Variants in AMPH observed in about 807,000 individuals in gnomAD.
AMPH encodes amphiphysin (Stiff-Mann syndrome with breast cancer 128kD autoantigen).
Under a neutral mutation model 99.1 loss-of-function variants are expected in AMPH, and 49 were observed. The observed-to-expected ratio is 0.49, with a 90% CI of 0.39 to 0.63. The LOEUF is 0.63. AMPH is among the 20% of genes least tolerant of loss of function. AMPH has a pLI of 0.00. For missense variants in AMPH, 759 were observed against 863.4 expected (o/e 0.88, Z 1.52); for synonymous variants, 314 against 317.3 (o/e 0.99, Z 0.11).
intron 1 of AMPH, among the ~76,000 whole-genome samples, chr7:38,563,158 A>AATGG (rs1791616105): frequency 1.3e-5 from 2 of 152,140 alleles, no homozygotes; most frequent in Admixed American, 1.3e-4. Flanking sequence ...TGAATGAATG[A>AATGG]ATGAATGAGT....
intron 17 of AMPH, among the ~76,000 whole-genome samples, chr7:38,398,188 A>T (rs576478921): frequency 1.3e-5 from 2 of 150,618 alleles, no homozygotes; most frequent in Admixed American, 6.6e-5. Context: ...TACTCAAAAA[A>T]AAAAAAACAA....
intron 11 of AMPH, among the ~76,000 whole-genome samples, chr7:38,437,093 AG>A (rs1426492919): frequency 6.6e-6 from 1 of 152,216 alleles, no homozygotes; most frequent in Non-Finnish European, 1.5e-5. Context: ...AATAAGACAC[AG>A]GACGAAAGTC....
chr7:38,390,968 AGAGAGAGAGAG>A (rs1784471799), intron 19 of AMPH, among the ~76,000 whole-genome samples: 1 of 5,322 alleles, frequency 1.9e-4, no homozygotes, highest in Admixed American at 2.6e-3. Flanking sequence ...AGACAGAGAG[AGAGAGAGAGAG>A]AGAGAGAGAG....
In AMPH at chr7:38,442,368, C is replaced by T. The variant is rs536204844; in HGVS notation, c.1018-5980G>A. Among the ~76,000 whole-genome samples, 30 of 152,252 alleles carry T rather than the reference C, an allele frequency of 2.0e-4. No individual in the cohort carries two copies. In the South Asian group the frequency reaches 6.2e-3, roughly 32 times the overall value. ...AGTGAGATACAGCCTTCCTCCTCTC[C>T]CTGGTAGTCTATCCTTTGTTTTAAG... On this transcript the variant is annotated intron_variant, in intron 11 of 20. Coordinates refer to ENST00000356264, the MANE Select transcript of AMPH (RefSeq NM_001635.4).
At chr7:38,577,318 TG>T (rs1725583472) in intron 1 of AMPH, among the ~76,000 whole-genome samples, 4 of 152,316 alleles carry the variant, frequency 2.6e-5, no homozygotes, top group African/African-American at 9.6e-5. Context: ...ATCCCTAGGC[TG>T]TAGTTCCAGC....
At chr7:38,589,250 A>C (rs576864122) in intron 1 of AMPH, among the ~76,000 whole-genome samples, 29 of 152,258 alleles carry the variant, frequency 1.9e-4, no homozygotes, top group Non-Finnish European at 8.8e-5. Flanking sequence ...CTTTTCTAGA[A>C]TAAATGAATA....
At chr7:38,598,902 C>A (rs1257451809) in intron 1 of AMPH, among the ~76,000 whole-genome samples, 1 of 152,050 alleles carries the variant, frequency 6.6e-6, no homozygotes, top group East Asian at 1.9e-4. Context: ...TAAGTAGACA[C>A]TCATTTTCTT....
At chr7:38,487,277 A>G (rs904900927) in intron 5 of AMPH, among the ~76,000 whole-genome samples, 1 of 152,158 alleles carries the variant, frequency 6.6e-6, no homozygotes, top group African/African-American at 2.4e-5. Context: ...AAACTATACT[A>G]CAAGGCTACT....
chr7:38,619,865 ACT>A (rs1298207955), intron 1 of AMPH, among the ~76,000 whole-genome samples: 2 of 152,118 alleles, frequency 1.3e-5, no homozygotes, highest in African/African-American at 4.8e-5. Context: ...TTTCCTAGAG[ACT>A]CTCAGAGAAA....
chr7:38,631,240 C>G (rs1346889433), intron 1 of AMPH, 43 bp downstream of exon 1: 5 of 1,496,956 alleles, frequency 3.3e-6, no homozygotes, highest in Non-Finnish European at 4.4e-6. Context: ...GCCAAGCCCC[C>G]GCCTGGCGTC....
chr7:38,513,460 A>G (rs1041843645), intron 2 of AMPH, among the ~76,000 whole-genome samples: 2 of 152,218 alleles, frequency 1.3e-5, no homozygotes, highest in African/African-American at 2.4e-5. Context: ...AAGAATACCA[A>G]TTGGGTTGAG....
At chr7:38,412,882 G>T (rs987608963) in intron 17 of AMPH, among the ~76,000 whole-genome samples, 4 of 152,164 alleles carry the variant, frequency 2.6e-5, no homozygotes, top group African/African-American at 7.2e-5. Context: ...TGGAAAAGGG[G>T]AAGTCTTCTT....
chr7:38,542,919 C>T (rs1284933396), intron 1 of AMPH, among the ~76,000 whole-genome samples: 1 of 151,952 alleles, frequency 6.6e-6, no homozygotes, highest in Non-Finnish European at 1.5e-5. Context: ...TATGGTGAAA[C>T]CCTGTCTCTA....
At chr7:38,412,705 G>C (rs1242243494) in intron 17 of AMPH, among the ~76,000 whole-genome samples, 1 of 152,190 alleles carries the variant, frequency 6.6e-6, no homozygotes, top group East Asian at 1.9e-4. Context: ...ACTTGTATCA[G>C]ATTTGGATGT....
chr7:38,475,188 A>G (rs901990616), intron 7 of AMPH, 143 bp downstream of exon 7: 11 of 570,796 alleles, frequency 1.9e-5, no homozygotes, highest in Non-Finnish European at 3.1e-5. Flanking sequence ...ACAAGTAGCT[A>G]CCATACTGGA....
intron 1 of AMPH, 76 bp downstream of exon 1, chr7:38,631,207 A>C (rs1004188409): frequency 7.3e-7 from 1 of 1,363,178 alleles, no homozygotes; most frequent in Non-Finnish European, 9.6e-7. Context: ...CGGGCCCCGC[A>C]CAGCTGCAGC....
At chr7:38,450,764 C>A (rs952739450) in intron 11 of AMPH, among the ~76,000 whole-genome samples, 6 of 152,088 alleles carry the variant, frequency 3.9e-5, no homozygotes, top group African/African-American at 9.7e-5. Flanking sequence ...TCAAGTGACT[C>A]CAACTTTTTA....
chr7:38,624,665 C>CA (rs11378374), intron 1 of AMPH, among the ~76,000 whole-genome samples: 82,181 of 150,254 alleles, frequency 0.55, 22,936 homozygotes, highest in Middle Eastern at 0.58. Context: ...AGAAGATGGG[C>CA]AAAAAAATAA....
chr7:38,396,137 C>A (rs906366746), intron 17 of AMPH, among the ~76,000 whole-genome samples: 2 of 152,182 alleles, frequency 1.3e-5, no homozygotes, highest in Non-Finnish European at 1.5e-5. Context: ...CTTCTTTCTG[C>A]CCTGTCATGA....
Sources: allele counts gnomAD v4.1 joint callset (sites outside exome capture counted in the v4.1 genomes callset), GRCh38; gene constraint gnomAD v4.1.1; transcripts MANE v1.5; gene names NCBI Gene and HGNC (gene_info 2026-07-23, HGNC 2026-07-21).